The following ADGRB3 variants were observed in gnomAD, a reference collection of about 807,000 sequenced individuals.
ADGRB3 encodes brain-specific angiogenesis inhibitor 3.
A neutral mutation model predicts 193.4 loss-of-function variants in ADGRB3; 37 were observed. The ratio of observed to expected loss-of-function variants is 0.19; its 90% CI spans 0.15 to 0.25. The LOEUF (loss-of-function observed/expected upper bound fraction) is 0.25, where lower values mean the gene tolerates loss of function less well. ADGRB3 is among the 10% of genes least tolerant of loss of function. The pLI is 1.00. For synonymous variants in ADGRB3, 690 were observed against 644.2 expected, an observed-to-expected ratio of 1.07 and a Z score of -1.08; for missense variants, 1,637 against 1,852.9, an observed-to-expected ratio of 0.88 and a Z score of 2.14.
chr6:68,669,737 A>C (rs2127293554), intron 3 of ADGRB3, among the ~76,000 whole-genome samples: 1 of 152,048 alleles, frequency 6.6e-6, no homozygotes, highest in Middle Eastern at 3.4e-3. Context: ...GTCCTGCAAC[A>C]AACATAGGAG....
chr6:68,990,347 A>G (rs1769200524), intron 10 of ADGRB3, among the ~76,000 whole-genome samples: 1 of 152,180 alleles, frequency 6.6e-6, no homozygotes, highest in Non-Finnish European at 1.5e-5. Context: ...CTGTATAAAG[A>G]CAACGAATAG....
chr6:68,806,682 CATA>C (rs1478858458), intron 3 of ADGRB3, among the ~76,000 whole-genome samples: 1 of 151,288 alleles, frequency 6.6e-6, no homozygotes, highest in African/African-American at 2.4e-5. Context: ...CCGTATAACA[CATA>C]ATAAGAATAT....
At chr6:68,933,775 T>C (rs775804460) in intron 4 of ADGRB3, among the ~76,000 whole-genome samples, 14 of 152,198 alleles carry the variant, frequency 9.2e-5, no homozygotes, top group Non-Finnish European at 2.1e-4. Context: ...ATCGAAGACA[T>C]TCAAAGAAAT....
At chr6:69,304,795 T>C (rs1187229367) in intron 20 of ADGRB3, among the ~76,000 whole-genome samples, 3 of 151,592 alleles carry the variant, frequency 2.0e-5, no homozygotes, top group Non-Finnish European at 4.4e-5. Context: ...TTATTTCTAT[T>C]GGCATTCTTT....
At chr6:69,379,512 G>A (rs888285342) in intron 30 of ADGRB3, among the ~76,000 whole-genome samples, 1 of 152,036 alleles carries the variant, frequency 6.6e-6, no homozygotes, top group African/African-American at 2.4e-5. Context: ...TTTAGTACAT[G>A]TGAAAACTAA....
At chr6:69,040,392 T>TTCCTTCC (rs1771018543) in intron 13 of ADGRB3, among the ~76,000 whole-genome samples, 1 of 147,190 alleles carries the variant, frequency 6.8e-6, no homozygotes, top group Admixed American at 6.9e-5. Flanking sequence ...TCTCTCTTTC[T>TTCCTTCC]TTCCTTCACG....
At chr6:69,281,701 G>C (rs1345790614) in intron 20 of ADGRB3, among the ~76,000 whole-genome samples, 2 of 152,178 alleles carry the variant, frequency 1.3e-5, no homozygotes, top group Non-Finnish European at 2.9e-5. Flanking sequence ...GGAGGGATTA[G>C]TTAAGTGAGG....
intron 17 of ADGRB3, among the ~76,000 whole-genome samples, chr6:69,114,602 G>A (rs983625535): frequency 1.3e-5 from 2 of 152,190 alleles, no homozygotes; most frequent in African/African-American, 2.4e-5. Context: ...TGTCCTGATT[G>A]GTATTGCCTA....
intron 17 of ADGRB3, among the ~76,000 whole-genome samples, chr6:69,176,201 C>A (rs1315059738): frequency 1.3e-5 from 2 of 152,154 alleles, no homozygotes; most frequent in Non-Finnish European, 2.9e-5. Context: ...GAGTGGGCAT[C>A]CTTATCTTGT....
At chr6:68,743,369 C>A (rs1766019736) in intron 3 of ADGRB3, among the ~76,000 whole-genome samples, 1 of 150,700 alleles carries the variant, frequency 6.6e-6, no homozygotes, top group African/African-American at 2.5e-5. Context: ...GTGTGTATAT[C>A]CAGAAATTCT....
At chr6:68,871,194 G>A in intron 3 of ADGRB3, among the ~76,000 whole-genome samples, 1 of 152,160 alleles carries the variant, frequency 6.6e-6, no homozygotes, top group East Asian at 1.9e-4. Context: ...AAGAACTTGT[G>A]CAGATAGAAA....
At chr6:68,713,287 A>AAAGC (rs1765435149) in intron 3 of ADGRB3, among the ~76,000 whole-genome samples, 2 of 152,046 alleles carry the variant, frequency 1.3e-5, no homozygotes, top group South Asian at 2.1e-4. Context: ...TCAAATAATC[A>AAAGC]AAGCATCTGC....
chr6:68,760,643 G>T (rs1015016700), intron 3 of ADGRB3, among the ~76,000 whole-genome samples: 6 of 152,188 alleles, frequency 3.9e-5, no homozygotes, highest in Non-Finnish European at 7.3e-5. Context: ...TTAAATGGTG[G>T]TTCCTGGCAA....
At chr6:68,819,777 A>C (rs916634619) in intron 3 of ADGRB3, among the ~76,000 whole-genome samples, 6 of 152,098 alleles carry the variant, frequency 3.9e-5, no homozygotes, top group African/African-American at 1.4e-4. Flanking sequence ...AAATAGATAA[A>C]AGAGTTAAAT....
At chr6:69,187,850 A>G (rs1037120560) in intron 17 of ADGRB3, among the ~76,000 whole-genome samples, 1 of 152,184 alleles carries the variant, frequency 6.6e-6, no homozygotes, top group Admixed American at 6.6e-5. Context: ...AGAGCCAGGC[A>G]TTGTCTGGTC....
chr6:68,844,955 G>T (rs1028055665), intron 3 of ADGRB3, among the ~76,000 whole-genome samples: 1 of 152,096 alleles, frequency 6.6e-6, no homozygotes, highest in Non-Finnish European at 1.5e-5. Flanking sequence ...TAGAATTATG[G>T]TTACCAGAGT....
intron 15 of ADGRB3, among the ~76,000 whole-genome samples, chr6:69,062,066 T>C (rs888603994): frequency 9.9e-5 from 15 of 152,036 alleles, no homozygotes; most frequent in Non-Finnish European, 1.8e-4. Flanking sequence ...GAAGAGCATG[T>C]GGTTTATTAT....
intron 3 of ADGRB3, among the ~76,000 whole-genome samples, chr6:68,857,397 G>T (rs1006083418): frequency 6.6e-6 from 1 of 152,216 alleles, no homozygotes; most frequent in African/African-American, 2.4e-5. Context: ...GGAGCAGACT[G>T]CCCAAGACTA....
chr6:68,673,024 ATCTCTC>A (rs140274796), intron 3 of ADGRB3, among the ~76,000 whole-genome samples: 8 of 147,640 alleles, frequency 5.4e-5, no homozygotes, highest in Non-Finnish European at 7.5e-5. Flanking sequence ...CTTAAACTGA[ATCTCTC>A]TCTCTCTCTC....
Sources: allele counts gnomAD v4.1 joint callset (sites outside exome capture counted in the v4.1 genomes callset), GRCh38; gene constraint gnomAD v4.1.1; transcripts MANE v1.5; gene names NCBI Gene and HGNC (gene_info 2026-07-23, HGNC 2026-07-21).